The following JAZF1 variants were observed in gnomAD, a reference collection of about 807,000 sequenced individuals.
JAZF1 encodes the protein JAZF zinc finger 1, also known as juxtaposed with another zinc finger protein 1.
JAZF1 carries 8 observed loss-of-function variants against 26.4 expected under a neutral mutation model. That is an observed-to-expected ratio of 0.30 (90% CI 0.18 to 0.55). The LOEUF (loss-of-function observed/expected upper bound fraction) is 0.55. JAZF1 is among the 20% of genes least tolerant of loss of function. The pLI is 0.94. For missense variants in JAZF1, 199 were observed against 322.0 expected, an observed-to-expected ratio of 0.62 and a Z score of 2.92; for synonymous variants, 126 against 122.3, an observed-to-expected ratio of 1.03 and a Z score of -0.20.
At chr7:27,871,789 C>T (rs895766905) in intron 3 of JAZF1, among the ~76,000 whole-genome samples, 2 of 152,062 alleles carry the variant, frequency 1.3e-5, no homozygotes, top group Non-Finnish European at 2.9e-5. Flanking sequence ...GAATTAGAAG[C>T]GTGTGAAGGG....
intron 1 of JAZF1, among the ~76,000 whole-genome samples, chr7:28,021,147 A>G (rs958517899): frequency 6.6e-6 from 1 of 152,130 alleles, no homozygotes; most frequent in Admixed American, 6.6e-5. Flanking sequence ...AAGTAAAGGA[A>G]GATTGGCAAG....
intron 1 of JAZF1, among the ~76,000 whole-genome samples, chr7:28,173,880 TAAAAAAAAAAAA>T (rs58075065): frequency 2.1e-5 from 2 of 93,134 alleles, no homozygotes; most frequent in South Asian, 3.9e-4. Context: ...CAGCTAGCTT[TAAAAAAAAAAAA>T]AAAAAAAAAA....
intron 2 of JAZF1, among the ~76,000 whole-genome samples, chr7:27,969,434 G>A (rs1269184189): frequency 6.6e-6 from 1 of 152,054 alleles, no homozygotes; most frequent in East Asian, 1.9e-4. Context: ...GCTGCTTGGA[G>A]GGCTTCTCTG....
chr7:28,046,968 AAT>A (rs1460282488), intron 1 of JAZF1, among the ~76,000 whole-genome samples: 1 of 152,136 alleles, frequency 6.6e-6, no homozygotes, highest in African/African-American at 2.4e-5. Context: ...AATTTCATGA[AAT>A]TGAATTTGTT....
chr7:27,967,512 G>T (rs7800622), intron 2 of JAZF1, among the ~76,000 whole-genome samples: 1,956 of 152,196 alleles, frequency 0.013, 46 homozygotes, highest in African/African-American at 0.045. Context: ...TGTGTACTCA[G>T]ATCAATCAGG....
chr7:28,168,806 T>C (rs1783409460), intron 1 of JAZF1, among the ~76,000 whole-genome samples: 1 of 152,212 alleles, frequency 6.6e-6, no homozygotes, highest in Admixed American at 6.5e-5. Flanking sequence ...AAAAGTTTGA[T>C]TCCTTTTTGA....
At chr7:28,056,419 G>T (rs533591194) in intron 1 of JAZF1, among the ~76,000 whole-genome samples, 3 of 143,272 alleles carry the variant, frequency 2.1e-5, no homozygotes, top group African/African-American at 8.0e-5. Context: ...TTCATTCCTT[G>T]AACTATTTCA....
chr7:27,846,667 G>A (rs1025639171), intron 3 of JAZF1: 1 of 361,830 alleles, frequency 2.8e-6, no homozygotes, highest in Admixed American at 3.3e-5. Context: ...TCTTTTAAGT[G>A]CTAGCTCATG....
At chr7:28,013,323 A>T (rs1782830338) in intron 1 of JAZF1, among the ~76,000 whole-genome samples, 1 of 152,182 alleles carries the variant, frequency 6.6e-6, no homozygotes, top group Non-Finnish European at 1.5e-5. Flanking sequence ...GCTAAATACT[A>T]ATGGAATACA....
chr7:28,056,088 A>T (rs934795204), intron 1 of JAZF1, among the ~76,000 whole-genome samples: 1 of 152,078 alleles, frequency 6.6e-6, no homozygotes. Flanking sequence ...TATCCTCTGA[A>T]GCACCCAGCT....
chr7:27,860,871 C>T (rs948577317), intron 3 of JAZF1, among the ~76,000 whole-genome samples: 2 of 143,090 alleles, frequency 1.4e-5, no homozygotes, highest in Non-Finnish European at 3.1e-5. Flanking sequence ...TGCCTCCCCT[C>T]GTCCCTCCTT....
At chr7:28,056,758 CA>C (rs1783719416) in intron 1 of JAZF1, among the ~76,000 whole-genome samples, 1 of 5,874 alleles carries the variant, frequency 1.7e-4, no homozygotes. Flanking sequence ...TCCTGATGCA[CA>C]CACTCCTGTC....
intron 3 of JAZF1, among the ~76,000 whole-genome samples, chr7:27,852,176 G>C (rs1783163975): frequency 6.7e-6 from 1 of 149,892 alleles, no homozygotes; most frequent in African/African-American, 2.5e-5. Context: ...CTGTCGCCCA[G>C]GCTGGAGTGC....
chr7:27,927,529 T>C (rs1459740696), intron 2 of JAZF1, among the ~76,000 whole-genome samples: 1 of 152,176 alleles, frequency 6.6e-6, no homozygotes, highest in Non-Finnish European at 1.5e-5. Flanking sequence ...ATAATAACTA[T>C]AAAGTACTTA....
chr7:28,000,420 C>T (rs1030394358), intron 1 of JAZF1, among the ~76,000 whole-genome samples: 5 of 151,948 alleles, frequency 3.3e-5, no homozygotes, highest in African/African-American at 1.2e-4. Context: ...GTTGAGAAAC[C>T]CTGCTTTAAA....
chr7:28,142,245 C>T (rs1583582607), intron 1 of JAZF1, among the ~76,000 whole-genome samples: 1 of 152,152 alleles, frequency 6.6e-6, no homozygotes, highest in African/African-American at 2.4e-5. Context: ...TCCTCAGAGA[C>T]TCTGATGTGA....
chr7:28,026,935 A>G (rs1359645146), intron 1 of JAZF1, among the ~76,000 whole-genome samples: 1 of 152,176 alleles, frequency 6.6e-6, no homozygotes, highest in Non-Finnish European at 1.5e-5. Context: ...TTGCTGCCCC[A>G]AGTGGGCTTC....
At position 27,993,642 on chromosome 7, in the gene JAZF1, G is replaced by A. The variant is rs529751984; in HGVS notation, c.116-1661C>T. 2.6e-5 allele frequency among the ~76,000 whole-genome samples: 4 copies of A among 152,124 alleles called. No individual in the cohort carries two copies. In the South Asian group the frequency reaches 8.3e-4, roughly 32 times the overall value. On this transcript the variant is annotated intron_variant, in intron 1 of 4. Coordinates refer to ENST00000283928, the MANE Select transcript of JAZF1 (RefSeq NM_175061.4). ...GGTGACTGACATGCTAATCCTACAG[G>A]GTCTTTCTAGGTGCTTAACGAGGTA...
chr7:28,129,168 C>T (rs148357449), intron 1 of JAZF1, among the ~76,000 whole-genome samples: 1 of 152,182 alleles, frequency 6.6e-6, no homozygotes, highest in African/African-American at 2.4e-5. Flanking sequence ...GAATACCCCC[C>T]AAACTCCCTC....
Sources: gnomAD v4.1 joint callset for allele counts (sites outside exome capture counted in the v4.1 genomes callset) on GRCh38, gnomAD v4.1.1 for gene constraint, MANE v1.5 for transcripts, NCBI Gene and HGNC (gene_info 2026-07-23, HGNC 2026-07-21) for gene names.